Variants in IFT81 observed in about 807,000 individuals in gnomAD.
IFT81 encodes the protein intraflagellar transport 81.
Under a neutral mutation model 102.6 loss-of-function variants are expected in IFT81, and 72 were observed. The ratio of observed to expected loss-of-function variants is 0.70; its 90% CI spans 0.58 to 0.85. IFT81 has a LOEUF of 0.85. Among genes scored for constraint, IFT81 ranks in the 40% least tolerant of loss-of-function variants. IFT81 has a pLI of 0.00. For synonymous variants in IFT81, 237 were observed against 242.7 expected (o/e 0.98, Z 0.22); for missense variants, 723 against 787.3 (o/e 0.92, Z 0.98).
chr12:110,129,850 T>TA (rs200787762), intron 4 of IFT81, among the ~76,000 whole-genome samples: 12 of 151,484 alleles, frequency 7.9e-5, no homozygotes, highest in African/African-American at 1.7e-4. Flanking sequence ...TTTTTTTTTT[T>TA]AAAAAGTGCT....
chr12:110,203,548 A>G (rs1043814251), intron 14 of IFT81: 24 of 256,668 alleles, frequency 9.4e-5, no homozygotes, highest in Admixed American at 7.1e-4. Flanking sequence ...GTGTTTTCCT[A>G]TCATAGCTCT....
At chr12:110,155,173 A>G (rs1231255692) in intron 10 of IFT81, among the ~76,000 whole-genome samples, 2 of 152,092 alleles carry the variant, frequency 1.3e-5, no homozygotes, top group African/African-American at 4.8e-5. Flanking sequence ...TTCATCTGTT[A>G]TTAATATAGT....
In IFT81 at chr12:110,129,132, T is replaced by C. The variant is rs1894021681; in HGVS notation, c.429+2T>C. 1 of 1,578,688 alleles carries C rather than the reference T, an allele frequency of 6.3e-7. No individual in the cohort carries two copies. The highest frequency in any genetic ancestry group is 1.4e-5 in the African/African-American group (1 of 72,802). On this transcript the variant is annotated splice_donor_variant, in intron 4 of 18. Transcript: ENST00000242591. LOFTEE classifies it high-confidence loss of function. ...ACTGTGGCTGACACCAATAAACAGGTAAACAATACATAAATGGTACATTGA... is the reference window on the plus strand; with the variant it reads ...ACTGTGGCTGACACCAATAAACAGGCAAACAATACATAAATGGTACATTGA...
chr12:110,143,560 T>C lies in IFT81; in HGVS notation c.945+15T>C. ...TTGAATCTAAAGTAAGTGAGAATCA[T>C]CTTTTTATAGCTCTCAATTTTATCT... On this transcript the variant is annotated intron_variant, in intron 9 of 18. Coordinates refer to ENST00000242591, the MANE Select transcript of IFT81 (RefSeq NM_014055.4). 1 of 1,532,240 alleles carries C rather than the reference T, an allele frequency of 6.5e-7. No individual in the cohort carries two copies. The highest frequency in any genetic ancestry group is 2.5e-5 in the East Asian group (1 of 40,722). The allele number at this position is 1,532,240 out of a possible 1,614,324, so 94.9% of individuals were successfully genotyped here. A position where few individuals can be genotyped will look rare whatever the true frequency, so the allele number is the denominator to read the frequency against.
chr12:110,152,144 A>AT (rs1159408229), intron 10 of IFT81, among the ~76,000 whole-genome samples: 2 of 152,138 alleles, frequency 1.3e-5, no homozygotes, highest in African/African-American at 4.8e-5. Flanking sequence ...AAATATACTG[A>AT]TTTTTATTTC....
intron 10 of IFT81, among the ~76,000 whole-genome samples, chr12:110,149,457 G>A (rs1183427133): frequency 2.0e-5 from 3 of 152,124 alleles, no homozygotes; most frequent in Admixed American, 6.5e-5. Flanking sequence ...ATCCATAGGC[G>A]GCTTGTGTTA....
At chr12:110,166,425 T>G (rs1896439282) in intron 11 of IFT81, among the ~76,000 whole-genome samples, 1 of 152,138 alleles carries the variant, frequency 6.6e-6, no homozygotes, top group African/African-American at 2.4e-5. Context: ...TGCTCAGTCT[T>G]GAGCACTTAA....
At chr12:110,184,077 A>G (rs1228881747) in intron 12 of IFT81, among the ~76,000 whole-genome samples, 3 of 152,190 alleles carry the variant, frequency 2.0e-5, no homozygotes, top group Non-Finnish European at 4.4e-5. Context: ...TAGGCTAGGC[A>G]TGGTGGCTCA....
intron 10 of IFT81, among the ~76,000 whole-genome samples, chr12:110,160,903 C>A (rs944361861): frequency 6.6e-6 from 1 of 152,094 alleles, no homozygotes; most frequent in Non-Finnish European, 1.5e-5. Flanking sequence ...TAATTGCTTT[C>A]TCATGTCTAT....
chr12:110,175,994 A>G (rs1897018728), intron 11 of IFT81, among the ~76,000 whole-genome samples: 1 of 151,682 alleles, frequency 6.6e-6, no homozygotes, highest in Non-Finnish European at 1.5e-5. Context: ...TTACACACCA[A>G]TCCTGTGTCC....
At chr12:110,202,498 G>T (rs1008610131) in intron 14 of IFT81, among the ~76,000 whole-genome samples, 1 of 151,442 alleles carries the variant, frequency 6.6e-6, no homozygotes, top group African/African-American at 2.4e-5. Context: ...CTGTCGCCAG[G>T]CTGGAGTGCA....
intron 12 of IFT81, among the ~76,000 whole-genome samples, chr12:110,184,375 A>G (rs1897432329): frequency 6.6e-6 from 1 of 152,032 alleles, no homozygotes; most frequent in South Asian, 2.1e-4. Flanking sequence ...ATAAATTACA[A>G]ATTAATGGAT....
In IFT81 at chr12:110,162,919, G is replaced by A. The variant is rs775280032; in HGVS notation, c.1042G>A (p.Ala348Thr). ...EGKLSLYRQQASIISRKKEAK... is the reference protein window; with the variant it reads ...EGKLSLYRQQTSIISRKKEAK... ...ACCTTCATATTTAATGCTCAATCAG[G>A]CATCTATCATTTCCCGTAAAAAAGA... is the stretch of plus-strand genomic sequence containing the variant. The change falls in exon 11 of 19, where the codon GCA becomes ACA. Residue 348 changes from alanine to threonine, a missense_variant and splice_region_variant. By Grantham distance (58) the Ala-to-Thr change is moderately conservative. Transcript: ENST00000242591. The A allele has an allele frequency of 4.4e-6, 7 of 1,608,126 alleles. No homozygotes were observed. Among genetic ancestry groups the A allele is most frequent in the South Asian group, 3.3e-5 (3 of 90,184 alleles).
rs1294483517 is a variant in IFT81 at position 110,205,475 on chromosome 12, A to T, written c.1677A>T (p.Gln559His). ...EVRRLREECL[Q>H]EESRYHYTNC... is the part of the protein sequence containing the mutation. ...GAAGACTCCGTGAAGAATGTCTTCAAGAAGAAAGTAGATACCATTATACAA... is the reference window on the plus strand; with the variant it reads ...GAAGACTCCGTGAAGAATGTCTTCATGAAGAAAGTAGATACCATTATACAA... Residue 559 changes from glutamine to histidine, a missense_variant, in exon 16 of 19, where the codon CAA becomes CAT. Transcript: ENST00000242591. 3 of 1,603,044 alleles carry T rather than the reference A, an allele frequency of 1.9e-6. No individual in the cohort carries two copies. The African/African-American group carries it at 4.0e-5, about 22-fold the overall frequency.
At chr12:110,150,373 G>C (rs1188266969) in intron 10 of IFT81, among the ~76,000 whole-genome samples, 1 of 152,044 alleles carries the variant, frequency 6.6e-6, no homozygotes, top group Non-Finnish European at 1.5e-5. Flanking sequence ...CACCGCACCC[G>C]GCCATGTTTT....
intron 3 of IFT81, among the ~76,000 whole-genome samples, chr12:110,128,621 C>T (rs955460957): frequency 6.6e-6 from 1 of 151,282 alleles, no homozygotes; most frequent in African/African-American, 2.4e-5. Context: ...GAAACGCTGC[C>T]TCTACAAAAA....
intron 11 of IFT81, among the ~76,000 whole-genome samples, chr12:110,163,733 A>G (rs1256762942): frequency 1.3e-4 from 20 of 149,266 alleles, no homozygotes; most frequent in African/African-American, 4.7e-4. Context: ...CTCCTACCTC[A>G]GCCTCCTGAG....
At chr12:110,206,198 G>A (rs765644943) in intron 17 of IFT81, among the ~76,000 whole-genome samples, 3 of 152,148 alleles carry the variant, frequency 2.0e-5, no homozygotes, top group African/African-American at 7.2e-5. Context: ...ATTTTAGCTG[G>A]AAATTGTGTG....
chr12:110,139,608 TA>T (rs35191329), intron 8 of IFT81, among the ~76,000 whole-genome samples: 1 of 150,618 alleles, frequency 6.6e-6, no homozygotes, highest in South Asian at 2.1e-4. Flanking sequence ...CTGTCTCTAC[TA>T]AAAAAATATA....
Sources: allele counts gnomAD v4.1 joint callset (sites outside exome capture counted in the v4.1 genomes callset), GRCh38; gene constraint gnomAD v4.1.1; transcripts MANE v1.5; gene names NCBI Gene and HGNC (gene_info 2026-07-23, HGNC 2026-07-21).